TTN: variants seen among roughly 807,000 people sequenced by gnomAD.
TTN encodes the protein titin.
A neutral mutation model predicts 3,223.0 loss-of-function variants in TTN; 1,525 were observed. The ratio of observed to expected loss-of-function variants is 0.47; its 90% confidence interval spans 0.45 to 0.49. The LOEUF (loss-of-function observed/expected upper bound fraction) is 0.49, where lower values mean the gene tolerates loss of function less well. TTN is among the 20% of genes least tolerant of loss of function. The probability of loss-of-function intolerance (pLI) is 0.00; values close to 1 mark genes in which losing one functional copy is unlikely to be tolerated. For synonymous variants in TTN, 14,094 were observed against 15,161.0 expected, an observed-to-expected ratio of 0.93 and a Z score of 5.17; for missense variants, 40,786 against 43,424.0, an observed-to-expected ratio of 0.94 and a Z score of 5.40.
In TTN at chr2:178,609,762, G is replaced by A. The variant is rs780490612; in HGVS notation, c.51661C>T (p.Arg17221Cys). ...CCCGCGGCGTTCTCTGCTCGCACACGGAATTGGTACTCTTTCCCCTCTTCA... is the reference window on the plus strand; with the variant it reads ...CCCGCGGCGTTCTCTGCTCGCACACAGAATTGGTACTCTTTCCCCTCTTCA... ...GLEEGKEYQF[R>C]VRAENAAGIS... Residue 17221 changes from arginine (R) to cysteine (C), a missense_variant, in exon 272 of 363, where the codon CGT (arginine) becomes TGT (cysteine). Transcript: ENST00000589042. The A allele has an allele frequency of 6.2e-6, 10 of 1,612,528 alleles. No homozygotes were observed. The South Asian group carries it at 7.7e-5, about 12-fold the overall frequency.
At chr2:178,642,084 A>T in intron 219 of TTN, 153 bp downstream of exon 219, 1 of 544,788 alleles carries the variant, frequency 1.8e-6, no homozygotes, top group Admixed American at 3.9e-5. Flanking sequence ...TCTGGAAATG[A>T]CATTTTTCTT....
At position 178,573,174 on chromosome 2, in the gene TTN, T is replaced by G. The variant is rs1708867851; in HGVS notation, c.72958A>C (p.Thr24320Pro). 1 of 1,611,592 alleles carries G rather than the reference T, an allele frequency of 6.2e-7. No homozygotes were observed. Among genetic ancestry groups the G allele is most frequent in the African/African-American group, 1.3e-5 (1 of 74,866 alleles). Reference sequence around the variant, plus strand: ...CCTGGTGGTCCAGGTTTAAACACAGTGTCACAAGCCTTGTAAAATGGACTG... The same window carrying G: ...CCTGGTGGTCCAGGTTTAAACACAGGGTCACAAGCCTTGTAAAATGGACTG... ...PTSPFYKACDTVFKPGPPGNP... is the reference protein window; with the variant it reads ...PTSPFYKACDPVFKPGPPGNP... The change falls in exon 326 of 363, where the codon ACT becomes CCT. Residue 24320 changes from threonine to proline, a missense_variant. Coordinates refer to ENST00000589042, the MANE Select transcript of TTN (RefSeq NM_001267550.2).
At chr2:178,527,407 C>T in intron 362 of TTN, 39 bp downstream of exon 362, 1 of 1,596,954 alleles carries the variant, frequency 6.3e-7, no homozygotes, top group Non-Finnish European at 8.6e-7. Context: ...CACCATGTTA[C>T]TTGGCTTGTC....
rs764312590 is a variant in TTN, at chr2:178,599,013, G to A, written c.56697C>T (p.Asn18899=). Residue 18899 remains asparagine (N), a synonymous_variant, in exon 291 of 363, where the codon AAC becomes AAT. Coordinates refer to ENST00000589042, the MANE Select transcript of TTN (RefSeq NM_001267550.2). The part of the protein sequence containing the change: ...DKPTVSSVTR[N]SMTVNWEEPE... The stretch of plus-strand genomic sequence containing the variant: ...GCTCTTCCCAGTTGACAGTCATGGA[G>A]TTACGAGTCACGCTGCTAACTGTTG... 8 of 1,602,214 alleles carry A rather than the reference G, an allele frequency of 5.0e-6. No homozygotes were observed. Among genetic ancestry groups the A allele is most frequent in the South Asian group, 1.1e-5 (1 of 89,662 alleles).
chr2:178,798,415 A>T (rs929584771), intron 6 of TTN: 1 of 152,186 alleles, frequency 6.6e-6, no homozygotes, highest in East Asian at 1.9e-4. Context: ...ATCATGATAC[A>T]TGATCACCTT....
At position 178,714,047 on chromosome 2, in the gene TTN, T is replaced by C. The variant is rs2077092454; in HGVS notation, c.26611A>G (p.Thr8871Ala). Residue 8871 changes from threonine (T) to alanine (A), a missense_variant, in exon 92 of 363, where the codon ACA becomes GCA. By Grantham distance (58) the Thr-to-Ala change is moderately conservative. Transcript: ENST00000589042. ...TKWFKDGKEL[T>A]SDNKYKISFF... is the part of the protein sequence containing the mutation. ...CTTATTTTGTATTTGTTGTCACTTGTTAGCTCTTTTCCATCCTTAAACCAC... is the reference window on the plus strand; with the variant it reads ...CTTATTTTGTATTTGTTGTCACTTGCTAGCTCTTTTCCATCCTTAAACCAC... 6.2e-7 allele frequency: 1 copy of C among 1,613,470 alleles called. No individual in the cohort carries two copies. The highest frequency in any genetic ancestry group is 1.7e-5 in the Admixed American group (1 of 59,944).
chr2:178,688,290 G>C (rs2071408362), intron 126 of TTN, 66 bp from the exon 127 acceptor site: 2 of 1,383,990 alleles, frequency 1.4e-6, no homozygotes, highest in African/African-American at 2.8e-5. Flanking sequence ...CAGCCATGTG[G>C]TCACTACAGA....
rs555721876 is a variant in TTN, at chr2:178,621,972, C to G, written c.44950G>C (p.Gly14984Arg). The G allele has an allele frequency of 9.9e-6, 16 of 1,610,528 alleles. No homozygotes were observed. The East Asian group carries it at 2.9e-4, about 29-fold the overall frequency. ...WFKDGAEIKKGKKYDIISKGA... is the reference protein window; with the variant it reads ...WFKDGAEIKKRKKYDIISKGA... ...TTGGATATGATGTCATATTTTTTGC[C>G]CTTTTTAATTTCAGCACCATCTTTA... The change falls in exon 244 of 363, where the codon GGC becomes CGC. Residue 14984 changes from glycine (G) to arginine (R), a missense_variant. Transcript: ENST00000589042.
In TTN at chr2:178,607,961, T is replaced by A. The variant is rs368820294; in HGVS notation, c.52826A>T (p.Gln17609Leu). 2.2e-4 allele frequency: 348 copies of A among 1,612,982 alleles called. No homozygotes were observed. Among genetic ancestry groups the A allele is most frequent in the Non-Finnish European group, 2.9e-4 (341 of 1,179,300 alleles). ...TGACCATTCATTTGTGCCAACCAAC[T>A]GCTTATCAACAAAATAGCCAACAAT... is the stretch of plus-strand genomic sequence containing the variant. ...GEIVGYFVDK[Q>L]LVGTNEWSRC... is the part of the protein sequence containing the mutation. Residue 17609 changes from glutamine (Q) to leucine (L), a missense_variant, in exon 276 of 363, where the codon CAG becomes CTG. Gln to Leu is a moderately radical substitution (Grantham distance 113). Transcript: ENST00000589042.
At chr2:178,764,039 T>C in intron 43 of TTN, 138 bp downstream of exon 43, 1 of 1,294,746 alleles carries the variant, frequency 7.7e-7, no homozygotes, top group African/African-American at 1.5e-5. Context: ...ATAATTGAAA[T>C]AAGTTTTCTG....
chr2:178,547,329 G>A (rs1697647105), intron 339 of TTN, 24 bp from the exon 340 acceptor site: 6 of 1,582,500 alleles, frequency 3.8e-6, no homozygotes, highest in South Asian at 1.2e-5. Flanking sequence ...AAGGTATTAA[G>A]TATGAATACA....
chr2:178,577,057 T>A lies in TTN; in HGVS notation c.69278A>T (p.Asp23093Val). ...TGCCACATGCCTGCAAGACTGAATA[T>A]CTTCAGAAACCACTGTCCACAAAAG... Reference protein sequence around the residue: ...SRLLWTVVSEDIQSCRHVATK... With the variant: ...SRLLWTVVSEVIQSCRHVATK... Residue 23093 changes from aspartate to valine, a missense_variant, in exon 324 of 363, where the codon GAT (aspartate) becomes GTT (valine). Transcript: ENST00000589042. The A allele has an allele frequency of 6.2e-7, 1 of 1,613,420 alleles. No individual in the cohort carries two copies. Among genetic ancestry groups the A allele is most frequent in the Non-Finnish European group, 8.5e-7 (1 of 1,179,554 alleles).
chr2:178,696,382 A>G, intron 113 of TTN, 113 bp from the exon 114 acceptor site: 15 of 1,007,984 alleles, frequency 1.5e-5, no homozygotes, highest in Non-Finnish European at 1.9e-5. Context: ...TTTTATTGAT[A>G]ATTTGTTTTT....
Position 178,594,518 on chromosome 2 carries a change from T to A in TTN, c.57976A>T (p.Ile19326Phe). The A allele has an allele frequency of 6.2e-7, 1 of 1,613,440 alleles. No individual in the cohort carries two copies. The highest frequency in any genetic ancestry group is 8.5e-7 in the Non-Finnish European group (1 of 1,179,548). Reference sequence around the variant, plus strand: ...ACTTTGTGGAACTTCTCAGTCCCAATGAGCCGACTTTCTAGGACATAGTTA... The same window carrying A: ...ACTTTGTGGAACTTCTCAGTCCCAAAGAGCCGACTTTCTAGGACATAGTTA... ...IINYVLESRL[I>F]GTEKFHKVTN... Residue 19326 changes from isoleucine to phenylalanine, a missense_variant, in exon 296 of 363, where the codon ATT becomes TTT. Physicochemically the swap from Ile to Phe is conservative, Grantham distance 21. Coordinates refer to ENST00000589042, the MANE Select transcript of TTN (RefSeq NM_001267550.2).
chr2:178,760,694 T>C (rs1466925543), intron 43 of TTN, among the ~76,000 whole-genome samples: 1 of 152,128 alleles, frequency 6.6e-6, no homozygotes, highest in Non-Finnish European at 1.5e-5. Flanking sequence ...ATAACACACA[T>C]GGAAGGGCTT....
chr2:178,790,038 T>C lies in TTN; in HGVS notation c.1878A>G (p.Val626=), dbSNP rs761672925. 2.5e-5 allele frequency: 41 copies of C among 1,613,208 alleles called. No individual in the cohort carries two copies. Among genetic ancestry groups the C allele is most frequent in the South Asian group, 1.9e-4 (17 of 91,084 alleles). Reference sequence around the variant, plus strand: ...TAGTAATGCCTTCTCTACCTCTTGATACTAAATCTTGTTCTTTGACTTTGG... The same window carrying C: ...TAGTAATGCCTTCTCTACCTCTTGACACTAAATCTTGTTCTTTGACTTTGG... ...ATPKVKEQDL[V]SRGREGITTK... is the part of the protein sequence containing the mutation. The change falls in exon 12 of 363, where the codon GTA becomes GTG. Residue 626 remains valine, a synonymous_variant. Transcript: ENST00000589042.
intron 121 of TTN, 47 bp downstream of exon 121, chr2:178,691,969 G>A: frequency 6.6e-7 from 1 of 1,524,836 alleles, no homozygotes; most frequent in Non-Finnish European, 9.0e-7. Context: ...AAAGCAAAAG[G>A]CTGGCACTTG....
chr2:178,577,090 G>A lies in TTN; in HGVS notation c.69245C>T (p.Thr23082Ile). 6.2e-7 allele frequency: 1 copy of A among 1,613,236 alleles called. No homozygotes were observed. The highest frequency in any genetic ancestry group is 8.5e-7 in the Non-Finnish European group (1 of 1,179,540). ...AACCACTGTCCACAAAAGTCGGCTG[G>A]TTTCTCTCTTTTCAAGTATATAGGA... ...IKSYILEKRE[T>I]SRLLWTVVSE... The change falls in exon 324 of 363, where the codon ACC (threonine) becomes ATC (isoleucine). Residue 23082 changes from threonine (T) to isoleucine (I), a missense_variant. By Grantham distance (89) the Thr-to-Ile change is moderately conservative (BLOSUM62 -1). Transcript: ENST00000589042.
chr2:178,736,362 T>C (rs938173354), intron 49 of TTN, among the ~76,000 whole-genome samples: 1 of 152,224 alleles, frequency 6.6e-6, no homozygotes, highest in Non-Finnish European at 1.5e-5. Context: ...TGGCTGCTTG[T>C]TTAATTATTT....
Sources: gnomAD v4.1 joint callset for allele counts (sites outside exome capture counted in the v4.1 genomes callset) on GRCh38, gnomAD v4.1.1 for gene constraint, MANE v1.5 for transcripts, NCBI Gene and HGNC (gene_info 2026-07-23, HGNC 2026-07-21) for gene names.